Variants in ADAM10 observed in about 807,000 individuals in gnomAD.
The protein encoded by ADAM10 is disintegrin and metalloproteinase domain-containing protein 10.
A neutral mutation model predicts 90.1 loss-of-function variants in ADAM10; 17 were observed. The observed-to-expected ratio is 0.19, with a 90% confidence interval of 0.13 to 0.28. ADAM10 has a LOEUF of 0.28. ADAM10 is among the 10% of genes least tolerant of loss of function. The pLI, the probability that ADAM10 is intolerant of heterozygous loss-of-function variation, is 1.00. For synonymous variants in ADAM10, 310 were observed against 298.6 expected (o/e 1.04, Z -0.40); for missense variants, 610 against 914.3 (o/e 0.67, Z 4.29).
chr15:58,698,111 C>G (rs1381569306), intron 2 of ADAM10, among the ~76,000 whole-genome samples: 1 of 151,910 alleles, frequency 6.6e-6, no homozygotes, highest in Admixed American at 6.6e-5. Flanking sequence ...CATGATAAAG[C>G]AAGGAAATAT....
At chr15:58,686,745 T>G in intron 2 of ADAM10, 1 of 581,678 alleles carries the variant, frequency 1.7e-6, no homozygotes, top group Non-Finnish European at 3.1e-6. Flanking sequence ...TGTGGCCCCG[T>G]CCTATAGCCA....
Position 58,608,423 on chromosome 15 carries a change from G to T in ADAM10, c.2025+1874C>A, listed in dbSNP as rs562856327. Reference sequence around the variant, plus strand: ...CTATGCACATAAGCAAATGAGACAAGTAACTTGTAAAGACCAGATGTTTAT... The same window carrying T: ...CTATGCACATAAGCAAATGAGACAATTAACTTGTAAAGACCAGATGTTTAT... On this transcript the variant is annotated intron_variant, in intron 14 of 15. Coordinates refer to ENST00000260408, the MANE Select transcript of ADAM10 (RefSeq NM_001110.4). Among the ~76,000 whole-genome samples the T allele has an allele frequency of 2.0e-5, 3 of 152,286 alleles. No homozygotes were observed. The East Asian group carries it at 5.8e-4, about 29-fold the overall frequency.
chr15:58,716,748 G>A (rs1483718036), intron 2 of ADAM10, among the ~76,000 whole-genome samples: 17 of 152,104 alleles, frequency 1.1e-4, no homozygotes, highest in African/African-American at 3.6e-4. Context: ...GAGCAGAAGC[G>A]GGGAAACTTA....
rs1014129452 is a variant in ADAM10 at position 58,595,297 on chromosome 15, T to A, written c.*2250A>T. 1 of 152,160 alleles carries A rather than the reference T, an allele frequency of 6.6e-6. No homozygotes were observed. The highest frequency in any genetic ancestry group is 1.9e-4 in the East Asian group (1 of 5,190). The allele number at this position is 152,160 out of a possible 1,614,324, so 9.4% of individuals were successfully genotyped here. A position where few individuals can be genotyped will look rare whatever the true frequency, so the allele number is the denominator to read the frequency against. On this transcript the variant is annotated 3_prime_UTR_variant, in exon 16 of 16. Transcript: ENST00000260408. The stretch of plus-strand genomic sequence containing the variant: ...CAAAGTATTAAGAATAAAGATAATC[T>A]ATACTTTTGTAGGAAGAGACAACTG...
In ADAM10 at chr15:58,643,796, T is replaced by G. The variant is rs570902345; in HGVS notation, c.828+90A>C. The G allele has an allele frequency of 7.5e-6, 8 of 1,067,568 alleles. No individual in the cohort carries two copies. The African/African-American group carries it at 9.4e-5, about 13-fold the overall frequency. 66.1% of individuals were successfully genotyped at this position (1,067,568 alleles called of 1,614,324 possible). A position where few individuals can be genotyped will look rare whatever the true frequency, so the allele number is the denominator to read the frequency against. On this transcript the variant is annotated intron_variant, in intron 7 of 15. Coordinates refer to ENST00000260408, the MANE Select transcript of ADAM10 (RefSeq NM_001110.4). Reference sequence around the variant, plus strand: ...AACTAAACTACTTAATTCATAAAGATAAAATTAAAAGCAAGCTTTTGTGTG... The same window carrying G: ...AACTAAACTACTTAATTCATAAAGAGAAAATTAAAAGCAAGCTTTTGTGTG...
chr15:58,741,150 A>G (rs1264495436), intron 1 of ADAM10, among the ~76,000 whole-genome samples: 3 of 152,192 alleles, frequency 2.0e-5, no homozygotes, highest in African/African-American at 7.2e-5. Flanking sequence ...TCATCAATAC[A>G]AGCAAAAACA....
intron 5 of ADAM10, among the ~76,000 whole-genome samples, chr15:58,652,487 T>C (rs1896713660): frequency 6.6e-6 from 1 of 152,182 alleles, no homozygotes; most frequent in Non-Finnish European, 1.5e-5. Context: ...GCACCATTTA[T>C]TGAAGAGATT....
chr15:58,622,882 T>C (rs895697014), intron 10 of ADAM10, among the ~76,000 whole-genome samples: 3 of 152,204 alleles, frequency 2.0e-5, no homozygotes, highest in African/African-American at 7.2e-5. Flanking sequence ...GAAATAAAAC[T>C]AACTTCCAAG....
chr15:58,614,156 G>GC (rs1895534383), intron 11 of ADAM10, among the ~76,000 whole-genome samples: 1 of 152,030 alleles, frequency 6.6e-6, no homozygotes, highest in African/African-American at 2.4e-5. Context: ...ATGGTGGCAC[G>GC]CACCTGTAAT....
intron 5 of ADAM10, among the ~76,000 whole-genome samples, chr15:58,654,208 CT>C (rs1433307297): frequency 6.6e-6 from 1 of 151,660 alleles, no homozygotes; most frequent in African/African-American, 2.4e-5. Flanking sequence ...TACTTCTGCT[CT>C]TATCTTTATT....
At position 58,749,594 on chromosome 15, in the gene ADAM10, C is replaced by T; in HGVS notation, c.-60G>A. 6.5e-7 allele frequency: 1 copy of T among 1,547,416 alleles called. No individual in the cohort carries two copies. Among genetic ancestry groups the T allele is most frequent in the South Asian group, 1.2e-5 (1 of 83,706 alleles). On this transcript the variant is annotated 5_prime_UTR_variant, in exon 1 of 16. Transcript: ENST00000260408. ...ACGGGTTAACAGCAGCACATCGATC[C>T]GGAGGGAGAAGCTGAAGGGGCTTGG...
At chr15:58,701,604 T>C (rs1898137311) in intron 2 of ADAM10, among the ~76,000 whole-genome samples, 1 of 152,054 alleles carries the variant, frequency 6.6e-6, no homozygotes, top group Non-Finnish European at 1.5e-5. Flanking sequence ...AAAAATAGAA[T>C]TACCACATGA....
At chr15:58,623,616 T>C (rs1259628321) in intron 10 of ADAM10, among the ~76,000 whole-genome samples, 1 of 152,062 alleles carries the variant, frequency 6.6e-6, no homozygotes, top group South Asian at 2.1e-4. Flanking sequence ...ATATACACCA[T>C]GGAATACTAC....
At chr15:58,689,614 A>T (rs1403940014) in intron 2 of ADAM10, among the ~76,000 whole-genome samples, 9 of 152,206 alleles carry the variant, frequency 5.9e-5, no homozygotes, top group Non-Finnish European at 1.3e-4. Context: ...TACATTGTCA[A>T]TGAAGAATAA....
chr15:58,714,496 A>T (rs980026453), intron 2 of ADAM10, among the ~76,000 whole-genome samples: 6 of 151,966 alleles, frequency 3.9e-5, no homozygotes, highest in African/African-American at 7.2e-5. Context: ...TTATGTGAAT[A>T]AAAAAAATAA....
chr15:58,620,521 T>C (rs890838823), intron 11 of ADAM10, among the ~76,000 whole-genome samples: 31 of 151,962 alleles, frequency 2.0e-4, no homozygotes, highest in Non-Finnish European at 3.4e-4. Flanking sequence ...GCTACCAAAG[T>C]AAATTTGACA....
chr15:58,651,088 T>G (rs1402238967), intron 5 of ADAM10, among the ~76,000 whole-genome samples: 1 of 152,072 alleles, frequency 6.6e-6, no homozygotes, highest in Non-Finnish European at 1.5e-5. Flanking sequence ...GCCCATTATC[T>G]ATTAAATTTT....
intron 5 of ADAM10, among the ~76,000 whole-genome samples, chr15:58,653,977 T>G (rs537171289): frequency 2.0e-5 from 3 of 152,292 alleles, no homozygotes; most frequent in East Asian, 3.9e-4. Context: ...TTTCTCTACA[T>G]TTTGCAATTT....
At chr15:58,640,139 C>G (rs141076599) in intron 8 of ADAM10, among the ~76,000 whole-genome samples, 100 of 152,348 alleles carry the variant, frequency 6.6e-4, no homozygotes, top group African/African-American at 2.3e-3. Flanking sequence ...ATTGTCCCAT[C>G]CCAACATTAT....
Sources: allele counts gnomAD v4.1 joint callset (sites outside exome capture counted in the v4.1 genomes callset), GRCh38; gene constraint gnomAD v4.1.1; transcripts MANE v1.5; gene names NCBI Gene and HGNC (gene_info 2026-07-23, HGNC 2026-07-21).